C12orf56: variants seen among roughly 807,000 people sequenced by gnomAD.
The protein encoded by C12orf56 is uncharacterized protein C12orf56.
C12orf56 carries 71 observed loss-of-function variants against 69.9 expected under a neutral mutation model. That is an observed-to-expected ratio of 1.02 (90% CI 0.84 to 1.24). The LOEUF is 1.24. Among genes scored for constraint, C12orf56 ranks in the 50% most tolerant of loss-of-function variants. The pLI, the probability that C12orf56 is intolerant of heterozygous loss-of-function variation, is 0.00. For synonymous variants in C12orf56, 276 were observed against 274.1 expected, an observed-to-expected ratio of 1.01 and a Z score of -0.07; for missense variants, 732 against 738.5, an observed-to-expected ratio of 0.99 and a Z score of 0.10.
intron 5 of C12orf56, among the ~76,000 whole-genome samples, chr12:64,311,087 A>T (rs994366619): frequency 5.9e-5 from 9 of 152,052 alleles, no homozygotes; most frequent in Non-Finnish European, 1.0e-4. Flanking sequence ...CATGGTGTAT[A>T]TGTGCCACAT....
chr12:64,360,819 A>G (rs1445687600), intron 1 of C12orf56, among the ~76,000 whole-genome samples: 1 of 152,242 alleles, frequency 6.6e-6, no homozygotes, highest in Non-Finnish European at 1.5e-5. Flanking sequence ...CAAATCAGGA[A>G]ACATAGTTTT....
At chr12:64,353,119 A>G in intron 1 of C12orf56, 63 bp from the exon 2 acceptor site, 1 of 1,510,224 alleles carries the variant, frequency 6.6e-7, no homozygotes, top group Non-Finnish European at 9.0e-7. Flanking sequence ...TTTTGGTATA[A>G]TAAATCCCCC....
At chr12:64,298,053 T>C (rs2038391461) in intron 6 of C12orf56, among the ~76,000 whole-genome samples, 1 of 152,176 alleles carries the variant, frequency 6.6e-6, no homozygotes, top group African/African-American at 2.4e-5. Flanking sequence ...ATCTGTTGTT[T>C]CCTGACTTTT....
At chr12:64,365,162 CTTTTTT>C (rs386376771) in intron 1 of C12orf56, among the ~76,000 whole-genome samples, 1 of 123,076 alleles carries the variant, frequency 8.1e-6, no homozygotes. Flanking sequence ...AAAGCTGTTC[CTTTTTT>C]TTTTTTTTTT....
At chr12:64,297,399 T>TG (rs1249687698) in intron 6 of C12orf56, among the ~76,000 whole-genome samples, 1 of 151,660 alleles carries the variant, frequency 6.6e-6, no homozygotes, top group Non-Finnish European at 1.5e-5. Flanking sequence ...TTTTTTTCTT[T>TG]TTTTTATTAT....
intron 2 of C12orf56, among the ~76,000 whole-genome samples, chr12:64,347,221 AC>A (rs1163824665): frequency 2.0e-5 from 3 of 147,956 alleles, no homozygotes; most frequent in Non-Finnish European, 4.5e-5. Flanking sequence ...CAAGTGATCT[AC>A]CCACCTCAGC....
chr12:64,273,850 A>G (rs2038019192), intron 11 of C12orf56, among the ~76,000 whole-genome samples: 1 of 152,202 alleles, frequency 6.6e-6, no homozygotes, highest in Admixed American at 6.5e-5. Context: ...TAGCCAAAGC[A>G]GCCACAGAGA....
chr12:64,286,387 G>A (rs1377002658), intron 6 of C12orf56, among the ~76,000 whole-genome samples: 1 of 152,162 alleles, frequency 6.6e-6, no homozygotes, highest in African/African-American at 2.4e-5. Context: ...TGAAAAATGG[G>A]TCTCCTATAA....
Position 64,265,358 on chromosome 12 carries a change from T to TG in C12orf56, c.*1824dup, listed in dbSNP as rs559293977. On this transcript the variant is annotated 3_prime_UTR_variant, in exon 13 of 13. Coordinates refer to ENST00000543942, the MANE Select transcript of C12orf56 (RefSeq NM_001170633.2). ...CTTGGACACTTTATGGGGTGATGGC[T>TG]GGTGACAGCTGAAAGGGAAACTTTG... 104 of 152,318 alleles carry TG rather than the reference T, an allele frequency of 6.8e-4. No homozygotes were observed. Among genetic ancestry groups the TG allele is most frequent in the African/African-American group, 2.2e-3 (90 of 41,562 alleles). 9.4% of individuals were successfully genotyped at this position (152,318 alleles called of 1,614,324 possible). A position where few individuals can be genotyped will look rare whatever the true frequency, so the allele number is the denominator to read the frequency against.
chr12:64,368,574 T>C (rs934457958), intron 1 of C12orf56, among the ~76,000 whole-genome samples: 2 of 152,144 alleles, frequency 1.3e-5, no homozygotes, highest in African/African-American at 4.8e-5. Flanking sequence ...GAGTGGACCA[T>C]ATTAAAGTGT....
intron 5 of C12orf56, among the ~76,000 whole-genome samples, chr12:64,308,850 A>G (rs577690366): frequency 6.7e-6 from 1 of 148,960 alleles, no homozygotes; most frequent in South Asian, 2.1e-4. Context: ...CTCAAAAAAA[A>G]AAGAAAGAAA....
intron 3 of C12orf56, among the ~76,000 whole-genome samples, chr12:64,328,120 A>T (rs2038867392): frequency 6.6e-6 from 1 of 152,140 alleles, no homozygotes; most frequent in Admixed American, 6.5e-5. Flanking sequence ...CAGAAAGTGC[A>T]GTGAGAAAAG....
chr12:64,308,981 A>AAAGAT (rs1565749173), intron 5 of C12orf56, among the ~76,000 whole-genome samples: 1 of 52,468 alleles, frequency 1.9e-5, no homozygotes, highest in Non-Finnish European at 4.1e-5. Context: ...GAAAAGAAAG[A>AAAGAT]AAGAAAAGAA....
chr12:64,338,747 A>G (rs992611416), intron 2 of C12orf56: 1 of 1,466,820 alleles, frequency 6.8e-7, no homozygotes, highest in Admixed American at 1.7e-5. Context: ...AATGAAAGCC[A>G]TCATATGCTT....
intron 3 of C12orf56, among the ~76,000 whole-genome samples, chr12:64,328,699 AAAAAAAAATATATATATAT>A (rs1356219747): frequency 4.2e-3 from 100 of 23,636 alleles, no homozygotes; most frequent in African/African-American, 0.011. Flanking sequence ...AAAAAAAAAA[AAAAAAAAATATATATATAT>A]ATATATATAT....
chr12:64,370,749 G>C (rs1362043495), intron 1 of C12orf56, among the ~76,000 whole-genome samples: 1 of 152,152 alleles, frequency 6.6e-6, no homozygotes, highest in African/African-American at 2.4e-5. Flanking sequence ...GAAGAAAAAT[G>C]CTGAAGGCAT....
In C12orf56 at chr12:64,266,460, G is replaced by T. The variant is rs2037920630; in HGVS notation, c.*723C>A. 7.6e-6 allele frequency: 2 copies of T among 261,726 alleles called. No homozygotes were observed. Among genetic ancestry groups the T allele is most frequent in the Admixed American group, 7.9e-5 (2 of 25,296 alleles). The allele number at this position is 261,726 out of a possible 1,614,324, so 16.2% of individuals were successfully genotyped here. On this transcript the variant is annotated 3_prime_UTR_variant, in exon 13 of 13. Coordinates refer to ENST00000543942, the MANE Select transcript of C12orf56 (RefSeq NM_001170633.2). ...TGCAGGAACTGAGAGACCCTTTGGT[G>T]TTCTACCTGGAGGCGTGGCTGGCGG...
chr12:64,368,811 C>T (rs907563544), intron 1 of C12orf56, among the ~76,000 whole-genome samples: 5 of 152,068 alleles, frequency 3.3e-5, no homozygotes, highest in African/African-American at 1.2e-4. Context: ...TACTAACTAG[C>T]AGTGTGACTT....
intron 2 of C12orf56, among the ~76,000 whole-genome samples, chr12:64,350,817 T>C (rs558752634): frequency 6.6e-6 from 1 of 152,312 alleles, no homozygotes; most frequent in East Asian, 1.9e-4. Context: ...TTGCTGCACT[T>C]TATGCAAATA....
Sources: allele counts gnomAD v4.1 joint callset (sites outside exome capture counted in the v4.1 genomes callset), GRCh38; gene constraint gnomAD v4.1.1; transcripts MANE v1.5; gene names NCBI Gene and HGNC (gene_info 2026-07-23, HGNC 2026-07-21).